The following TFEC variants were observed in gnomAD, a reference collection of about 807,000 sequenced individuals.
The protein encoded by TFEC is transcription factor EC.
Under a neutral mutation model 41.6 loss-of-function variants are expected in TFEC, and 31 were observed. The observed-to-expected ratio is 0.74, with a 90% confidence interval of 0.56 to 1.01. TFEC has a LOEUF of 1.01. Ranked by LOEUF, TFEC falls within the 50% of genes least tolerant of loss-of-function variation. TFEC has a pLI of 0.00. For synonymous variants in TFEC, 143 were observed against 140.6 expected, an observed-to-expected ratio of 1.02 and a Z score of -0.12; for missense variants, 402 against 404.1, an observed-to-expected ratio of 0.99 and a Z score of 0.04.
At chr7:116,137,017 T>C (rs1798445991) in intron 1 of TFEC, among the ~76,000 whole-genome samples, 1 of 152,114 alleles carries the variant, frequency 6.6e-6, no homozygotes, top group Admixed American at 6.6e-5. Context: ...CCAAATTTAA[T>C]CAATATTTGC....
At chr7:116,057,668 ACTAT>A (rs1198183211) in intron 3 of TFEC, among the ~76,000 whole-genome samples, 1 of 151,904 alleles carries the variant, frequency 6.6e-6, no homozygotes, top group Non-Finnish European at 1.5e-5. Flanking sequence ...TTGATAATTG[ACTAT>A]CTAAACAAAA....
At chr7:116,015,020 T>C (rs1434800238) in intron 1 of TFEC, among the ~76,000 whole-genome samples, 1 of 151,904 alleles carries the variant, frequency 6.6e-6, no homozygotes, top group African/African-American at 2.4e-5. Flanking sequence ...TTTGTGTTGT[T>C]TTAACCACTG....
At chr7:115,987,585 C>T (rs1371263793) in intron 1 of TFEC, among the ~76,000 whole-genome samples, 1 of 152,082 alleles carries the variant, frequency 6.6e-6, no homozygotes, top group East Asian at 1.9e-4. Context: ...AACACAGTGT[C>T]TGCCCTCAAA....
At chr7:115,955,720 T>C (rs982183166) in intron 4 of TFEC, among the ~76,000 whole-genome samples, 5 of 152,180 alleles carry the variant, frequency 3.3e-5, no homozygotes, top group Admixed American at 3.3e-4. Context: ...CAGGGGTAAT[T>C]TGTTGTTATG....
chr7:116,016,123 G>A (rs1056452282), intron 1 of TFEC, among the ~76,000 whole-genome samples: 1 of 152,150 alleles, frequency 6.6e-6, no homozygotes, highest in African/African-American at 2.4e-5. Context: ...AGCTAATGTA[G>A]GATAGAGTTT....
At chr7:115,980,757 A>G (rs777951524) in intron 2 of TFEC, among the ~76,000 whole-genome samples, 1 of 142,050 alleles carries the variant, frequency 7.0e-6, no homozygotes, top group Non-Finnish European at 1.5e-5. Flanking sequence ...GCCAAACAAA[A>G]ACAAAACAAA....
chr7:116,103,626 A>G (rs1380593318), intron 3 of TFEC, among the ~76,000 whole-genome samples: 1 of 152,162 alleles, frequency 6.6e-6, no homozygotes, highest in Non-Finnish European at 1.5e-5. Flanking sequence ...TCAATTATCT[A>G]TATCTGAAAT....
rs1407016770 is a variant in TFEC at position 115,936,569 on chromosome 7, G to A, written c.*3982C>T. On this transcript the variant is annotated 3_prime_UTR_variant, in exon 8 of 8. Coordinates refer to ENST00000265440, the MANE Select transcript of TFEC (RefSeq NM_012252.4). ...AGTTATGCCATTTATTTATTTGAAC[G>A]TTTAAATTCCACAATATCCAAACAG... is the stretch of plus-strand genomic sequence containing the variant. 6.6e-6 allele frequency: 1 copy of A among 151,560 alleles called. No individual in the cohort carries two copies. Among genetic ancestry groups the A allele is most frequent in the Non-Finnish European group, 1.5e-5 (1 of 67,656 alleles). The allele number at this position is 151,560 out of a possible 1,614,324, so 9.4% of individuals were successfully genotyped here.
At chr7:116,136,989 A>AT (rs1268360376) in intron 1 of TFEC, among the ~76,000 whole-genome samples, 1 of 152,030 alleles carries the variant, frequency 6.6e-6, no homozygotes, top group South Asian at 2.1e-4. Context: ...AAAACTGTTA[A>AT]TTTCATATAA....
intron 1 of TFEC, among the ~76,000 whole-genome samples, chr7:116,123,440 T>C (rs767036173): frequency 1.1e-4 from 16 of 152,108 alleles, no homozygotes; most frequent in Non-Finnish European, 1.9e-4. Flanking sequence ...GAGTTCCTCA[T>C]CTTTTATGAT....
At chr7:116,099,405 A>T (rs986564691) in intron 3 of TFEC, among the ~76,000 whole-genome samples, 1 of 151,920 alleles carries the variant, frequency 6.6e-6, no homozygotes, top group Non-Finnish European at 1.5e-5. Flanking sequence ...AATGAATCAC[A>T]CCTCCCTCTA....
chr7:116,012,827 A>T (rs1324077592), intron 1 of TFEC, among the ~76,000 whole-genome samples: 1 of 4,438 alleles, frequency 2.3e-4, no homozygotes. Context: ...TTATTTCTGG[A>T]AAAAAAAAAA....
intron 3 of TFEC, among the ~76,000 whole-genome samples, chr7:115,962,199 A>G (rs530970664): frequency 2.3e-4 from 35 of 151,858 alleles, no homozygotes; most frequent in Middle Eastern, 3.2e-3. Flanking sequence ...GAAAGAAATC[A>G]TAAATAAGTG....
At chr7:116,130,085 C>T (rs1367598236) in intron 1 of TFEC, among the ~76,000 whole-genome samples, 5 of 149,666 alleles carry the variant, frequency 3.3e-5, no homozygotes, top group Admixed American at 3.3e-4. Context: ...CACACACACA[C>T]TCTTACTTGA....
intron 1 of TFEC, among the ~76,000 whole-genome samples, chr7:116,029,839 T>A (rs554940988): frequency 1.4e-4 from 21 of 152,008 alleles, no homozygotes; most frequent in Admixed American, 1.2e-3. Context: ...GGCAGGCAGA[T>A]CATGAGGTCA....
At position 115,940,344 on chromosome 7, in the gene TFEC, A is replaced by C. The variant is rs1234901196; in HGVS notation, c.*207T>G. 1.9e-6 allele frequency: 1 copy of C among 521,030 alleles called. No homozygotes were observed. Among genetic ancestry groups the C allele is most frequent in the Non-Finnish European group, 3.2e-6 (1 of 308,742 alleles). The allele number at this position is 521,030 out of a possible 1,614,324, so 32.3% of individuals were successfully genotyped here. ...GATTTGGACTCCGTAGTCAAAGAAG[A>C]AAACACCTTTTTTTCGCCCTCAATA... On this transcript the variant is annotated 3_prime_UTR_variant, in exon 8 of 8. Transcript: ENST00000265440.
At chr7:115,944,943 A>G (rs1191732682) in intron 6 of TFEC, among the ~76,000 whole-genome samples, 11 of 150,516 alleles carry the variant, frequency 7.3e-5, no homozygotes. Flanking sequence ...AAAATGCTGC[A>G]TTTGTCTCAT....
At chr7:116,063,563 G>A (rs1188889379) in intron 3 of TFEC, among the ~76,000 whole-genome samples, 1 of 152,118 alleles carries the variant, frequency 6.6e-6, no homozygotes, top group Non-Finnish European at 1.5e-5. Flanking sequence ...AGGTTGCAGT[G>A]AGCCAAGATC....
At chr7:116,068,298 A>G (rs1029574960) in intron 3 of TFEC, among the ~76,000 whole-genome samples, 1 of 151,838 alleles carries the variant, frequency 6.6e-6, no homozygotes, top group African/African-American at 2.4e-5. Flanking sequence ...AAATAACTAC[A>G]TCAATGTTAC....
Sources: gnomAD v4.1 joint callset for allele counts (sites outside exome capture counted in the v4.1 genomes callset) on GRCh38, gnomAD v4.1.1 for gene constraint, MANE v1.5 for transcripts, NCBI Gene and HGNC (gene_info 2026-07-23, HGNC 2026-07-21) for gene names.